Variants in CSMD3 observed in about 807,000 individuals in gnomAD.
CSMD3 encodes CUB and Sushi multiple domains 3.
In CSMD3, 177 loss-of-function variants were observed where a neutral mutation model predicts 435.2. The ratio of observed to expected loss-of-function variants is 0.41; its 90% CI spans 0.36 to 0.46. CSMD3 has a LOEUF of 0.46. Among genes scored for constraint, CSMD3 ranks in the 20% least tolerant of loss-of-function variants. The probability of loss-of-function intolerance (pLI) is 0.34; values close to 1 mark genes in which losing one functional copy is unlikely to be tolerated. For synonymous variants in CSMD3, 1,656 were observed against 1,520.5 expected, an observed-to-expected ratio of 1.09 and a Z score of -2.07; for missense variants, 4,265 against 4,504.6, an observed-to-expected ratio of 0.95 and a Z score of 1.52.
chr8:112,690,096 TA>T (rs1413114156), intron 13 of CSMD3, 46 bp from the exon 14 acceptor site: 2 of 1,384,486 alleles, frequency 1.4e-6, no homozygotes, highest in African/African-American at 2.8e-5. Flanking sequence ...GTTGCAGGCA[TA>T]TGATACCCAT....
intron 1 of CSMD3, among the ~76,000 whole-genome samples, chr8:113,346,154 T>C (rs1025822349): frequency 2.6e-5 from 4 of 152,066 alleles, no homozygotes; most frequent in East Asian, 3.9e-4. Flanking sequence ...TCAATAGAGA[T>C]AGACCATGGG....
At chr8:113,372,551 A>C (rs1313722453) in intron 1 of CSMD3, among the ~76,000 whole-genome samples, 2 of 152,180 alleles carry the variant, frequency 1.3e-5, no homozygotes, top group African/African-American at 4.8e-5. Flanking sequence ...TCCTGATCTT[A>C]TCCCCCAAAT....
Position 112,432,891 on chromosome 8 carries a change from C to G in CSMD3, c.5396-23859G>C, listed in dbSNP as rs1053841974. 2.2e-5 allele frequency among the ~76,000 whole-genome samples: 3 copies of G among 136,346 alleles called. No homozygotes were observed. The Admixed American group carries it at 2.3e-4, about 10-fold the overall frequency. 89.4% of individuals were successfully genotyped at this position (136,346 alleles called of 152,430 possible). A position where few individuals can be genotyped will look rare whatever the true frequency, so the allele number is the denominator to read the frequency against. On this transcript the variant is annotated intron_variant, in intron 32 of 70. Transcript: ENST00000297405. Reference sequence around the variant, plus strand: ...AGGAGTTCAAGACCAGCCTGGGAAACGTAGCAAGGCTCCACTGGAAAAAAA... The same window carrying G: ...AGGAGTTCAAGACCAGCCTGGGAAAGGTAGCAAGGCTCCACTGGAAAAAAA...
intron 32 of CSMD3, among the ~76,000 whole-genome samples, chr8:112,414,055 A>C (rs1811644342): frequency 6.6e-6 from 1 of 151,694 alleles, no homozygotes; most frequent in African/African-American, 2.4e-5. Flanking sequence ...CCTCTTAATA[A>C]TTTTCCATCT....
rs964440923 is a variant in CSMD3 at position 112,865,860 on chromosome 8, T to C, written c.1634-6594A>G. On this transcript the variant is annotated intron_variant, in intron 10 of 70. Transcript: ENST00000297405. ...ACATGGAAGACACTCAATGAATGAA[T>C]GAGTGAGCAAATGATTAAAATACTT... 2.0e-5 allele frequency among the ~76,000 whole-genome samples: 3 copies of C among 152,156 alleles called. No individual in the cohort carries two copies. In the East Asian group the frequency reaches 5.8e-4, roughly 29 times the overall value.
At chr8:112,578,321 G>A (rs1455341225) in intron 23 of CSMD3, among the ~76,000 whole-genome samples, 1 of 151,718 alleles carries the variant, frequency 6.6e-6, no homozygotes, top group East Asian at 1.9e-4. Flanking sequence ...ACTTTACAGG[G>A]GCATTCGGTT....
At chr8:112,957,281 G>A (rs1309585741) in intron 7 of CSMD3, among the ~76,000 whole-genome samples, 1 of 152,030 alleles carries the variant, frequency 6.6e-6, no homozygotes. Context: ...TTAACCTGAT[G>A]CATTTCAGTA....
intron 9 of CSMD3, among the ~76,000 whole-genome samples, chr8:112,936,304 T>A (rs1274035590): frequency 6.6e-6 from 1 of 152,084 alleles, no homozygotes; most frequent in Non-Finnish European, 1.5e-5. Context: ...ATTTTACTTC[T>A]GTACCTATGA....
At chr8:112,327,669 A>C (rs1823632610) in intron 45 of CSMD3, among the ~76,000 whole-genome samples, 1 of 152,140 alleles carries the variant, frequency 6.6e-6, no homozygotes, top group Non-Finnish European at 1.5e-5. Flanking sequence ...ATGCCCCACC[A>C]ACTTTTAAAC....
At chr8:113,346,650 A>G (rs2094153398) in intron 1 of CSMD3, among the ~76,000 whole-genome samples, 1 of 152,072 alleles carries the variant, frequency 6.6e-6, no homozygotes, top group Non-Finnish European at 1.5e-5. Context: ...CCTGTTTAGA[A>G]TAAACTTTAC....
intron 1 of CSMD3, among the ~76,000 whole-genome samples, chr8:113,424,582 A>C (rs2129986667): frequency 6.6e-6 from 1 of 151,530 alleles, no homozygotes; most frequent in South Asian, 2.1e-4. Flanking sequence ...AGACAAGAGC[A>C]AACATTAAAA....
In CSMD3 at chr8:112,436,268, T is replaced by C. The variant is rs530947889; in HGVS notation, c.5396-27236A>G. On this transcript the variant is annotated intron_variant, in intron 32 of 70. Coordinates refer to ENST00000297405, the MANE Select transcript of CSMD3 (RefSeq NM_198123.2). ...TGTGTGCAACTAATTTCCATATAAATGTATATTAAAGTAAATATAATAAAG... is the reference window on the plus strand; with the variant it reads ...TGTGTGCAACTAATTTCCATATAAACGTATATTAAAGTAAATATAATAAAG... Among the ~76,000 whole-genome samples the C allele has an allele frequency of 1.1e-3, 162 of 152,008 alleles. 1 individual carries two copies. The highest frequency in any genetic ancestry group is 1.6e-3 in the Non-Finnish European group (111 of 67,874).
intron 68 of CSMD3, 70 bp downstream of exon 68, chr8:112,234,295 T>A: frequency 1.0e-6 from 1 of 959,334 alleles, no homozygotes; most frequent in Non-Finnish European, 1.7e-6. Flanking sequence ...TTTAGAAAAC[T>A]CTCCTTTCCT....
chr8:112,629,781 T>A (rs551789043), intron 22 of CSMD3, among the ~76,000 whole-genome samples: 1 of 152,172 alleles, frequency 6.6e-6, no homozygotes, highest in Admixed American at 6.5e-5. Flanking sequence ...TTGAACCCCA[T>A]GATACCTGTT....
In CSMD3 at chr8:113,105,930, T is replaced by A. The variant is rs1473584835; in HGVS notation, c.710-6967A>T. Among the ~76,000 whole-genome samples the A allele has an allele frequency of 2.0e-5, 3 of 151,936 alleles. No homozygotes were observed. The East Asian group carries it at 5.8e-4, about 29-fold the overall frequency. On this transcript the variant is annotated intron_variant, in intron 4 of 70. Coordinates refer to ENST00000297405, the MANE Select transcript of CSMD3 (RefSeq NM_198123.2). ...TCAATAAACATAAAGATGTGACTCA[T>A]AACCAAGAGAAAAATCATTAGAAAC...
At chr8:112,594,356 C>T (rs1027939919) in intron 22 of CSMD3, among the ~76,000 whole-genome samples, 7 of 152,302 alleles carry the variant, frequency 4.6e-5, no homozygotes, top group Admixed American at 4.6e-4. Flanking sequence ...GCACCCGGCT[C>T]GGAGGGTCCT....
At chr8:113,114,523 C>A (rs1051722090) in intron 4 of CSMD3, among the ~76,000 whole-genome samples, 3 of 152,024 alleles carry the variant, frequency 2.0e-5, no homozygotes, top group Admixed American at 2.0e-4. Context: ...CTGAAGGGAT[C>A]CCAGGTGCAG....
chr8:113,057,281 G>A (rs1698574385), intron 5 of CSMD3, among the ~76,000 whole-genome samples: 1 of 152,098 alleles, frequency 6.6e-6, no homozygotes, highest in Non-Finnish European at 1.5e-5. Flanking sequence ...TAAGAGTCAT[G>A]CAACCAGAGA....
chr8:112,962,908 G>C (rs533899352), intron 7 of CSMD3, among the ~76,000 whole-genome samples: 42 of 152,014 alleles, frequency 2.8e-4, no homozygotes, highest in Non-Finnish European at 5.0e-4. Flanking sequence ...CGTCACCTGG[G>C]AGCTTGTTAG....
Sources: gnomAD v4.1 joint callset for allele counts (sites outside exome capture counted in the v4.1 genomes callset) on GRCh38, gnomAD v4.1.1 for gene constraint, MANE v1.5 for transcripts, NCBI Gene and HGNC (gene_info 2026-07-23, HGNC 2026-07-21) for gene names.